Variants in CACNA2D1 observed in about 807,000 individuals in gnomAD.
CACNA2D1 encodes the protein calcium voltage-gated channel auxiliary subunit alpha2delta 1, also known as voltage-dependent calcium channel subunit alpha-2/delta-1.
A neutral mutation model predicts 171.5 loss-of-function variants in CACNA2D1; 53 were observed. The observed-to-expected ratio is 0.31, with a 90% CI of 0.25 to 0.39. CACNA2D1 has a LOEUF of 0.39. CACNA2D1 is among the 10% of genes least tolerant of loss of function. The probability of loss-of-function intolerance (pLI) is 1.00; values close to 1 mark genes in which losing one functional copy is unlikely to be tolerated. For missense variants in CACNA2D1, 903 were observed against 1,299.8 expected (o/e 0.69, Z 4.69); for synonymous variants, 442 against 443.1 (o/e 1.00, Z 0.03).
At chr7:82,342,131 T>G in intron 2 of CACNA2D1, among the ~76,000 whole-genome samples, 1 of 152,094 alleles carries the variant, frequency 6.6e-6, no homozygotes, top group East Asian at 1.9e-4. Context: ...GGCCTTTTTT[T>G]TCTTTTCCCT....
intron 12 of CACNA2D1, among the ~76,000 whole-genome samples, chr7:82,019,384 T>C (rs1388969394): frequency 6.6e-6 from 1 of 152,188 alleles, no homozygotes; most frequent in Non-Finnish European, 1.5e-5. Flanking sequence ...TAAACTTACA[T>C]AATTTTACTT....
chr7:81,961,034 AT>A (rs970936672), intron 36 of CACNA2D1, among the ~76,000 whole-genome samples: 106 of 148,856 alleles, frequency 7.1e-4, no homozygotes, highest in Admixed American at 2.5e-3. Flanking sequence ...CTCTTGCAAA[AT>A]TTTTTTTTTT....
intron 3 of CACNA2D1, among the ~76,000 whole-genome samples, chr7:82,310,930 T>C (rs1364734770): frequency 6.6e-6 from 1 of 152,166 alleles, no homozygotes; most frequent in Non-Finnish European, 1.5e-5. Flanking sequence ...AAATTAGCTT[T>C]GGGATGTTAC....
rs1425318736 is a variant in CACNA2D1, at chr7:82,117,001, G to A, written c.526+43C>T. On this transcript the variant is annotated intron_variant, in intron 6 of 38. Transcript: ENST00000356860. ...CAAACATGGGAAACATAAGACAGGC[G>A]AGAGCATGGTATTCCAACAGATGTT... is the stretch of plus-strand genomic sequence containing the variant. The A allele has an allele frequency of 1.1e-5, 17 of 1,607,284 alleles. No homozygotes were observed. The Middle Eastern group carries it at 4.9e-4, about 47-fold the overall frequency.
intron 10 of CACNA2D1, among the ~76,000 whole-genome samples, chr7:82,053,531 T>C (rs566257817): frequency 6.6e-6 from 1 of 152,106 alleles, no homozygotes; most frequent in East Asian, 1.9e-4. Context: ...GATATTTTTA[T>C]AGTAAATAAG....
At chr7:82,102,205 T>TCC (rs1812756602) in intron 6 of CACNA2D1, among the ~76,000 whole-genome samples, 3 of 152,074 alleles carry the variant, frequency 2.0e-5, no homozygotes, top group Admixed American at 1.3e-4. Flanking sequence ...CCTGAAAATC[T>TCC]GATTGAGAAA....
intron 1 of CACNA2D1, among the ~76,000 whole-genome samples, chr7:82,414,595 A>C (rs1257104527): frequency 6.6e-6 from 1 of 152,216 alleles, no homozygotes; most frequent in Non-Finnish European, 1.5e-5. Flanking sequence ...CCATCCAGGG[A>C]GGCCAGGGTA....
At chr7:82,110,302 A>AT (rs1788221805) in intron 6 of CACNA2D1, among the ~76,000 whole-genome samples, 1 of 152,162 alleles carries the variant, frequency 6.6e-6, no homozygotes, top group Non-Finnish European at 1.5e-5. Context: ...CCATGAGGTC[A>AT]TGAGTGTGGA....
chr7:82,045,347 A>C (rs1322460334), intron 10 of CACNA2D1, among the ~76,000 whole-genome samples: 1 of 152,008 alleles, frequency 6.6e-6, no homozygotes, highest in African/African-American at 2.4e-5. Flanking sequence ...GTTTTTCCAG[A>C]TTGTTGCTTA....
intron 3 of CACNA2D1, among the ~76,000 whole-genome samples, chr7:82,233,029 C>G (rs528552463): frequency 3.9e-5 from 6 of 151,996 alleles, no homozygotes; most frequent in Non-Finnish European, 5.9e-5. Context: ...CGTGTCCAAA[C>G]GTTGAAAATC....
chr7:82,438,652 A>T (rs2129459716), intron 1 of CACNA2D1, among the ~76,000 whole-genome samples: 1 of 152,320 alleles, frequency 6.6e-6, no homozygotes, highest in South Asian at 2.1e-4. Context: ...AACTGTATGA[A>T]AGCCTTGGGA....
intron 10 of CACNA2D1, among the ~76,000 whole-genome samples, chr7:82,042,793 G>C (rs1218010352): frequency 6.6e-6 from 1 of 151,824 alleles, no homozygotes; most frequent in African/African-American, 2.4e-5. Context: ...TCTTCACTCA[G>C]TCCTCATGAA....
chr7:82,217,965 C>T (rs1198102370), intron 3 of CACNA2D1, among the ~76,000 whole-genome samples: 1 of 143,664 alleles, frequency 7.0e-6, no homozygotes. Flanking sequence ...GAGGGAGTCT[C>T]GCCCTGTCGC....
chr7:82,226,172 A>G (rs999408611), intron 3 of CACNA2D1, among the ~76,000 whole-genome samples: 2 of 152,198 alleles, frequency 1.3e-5, no homozygotes, highest in Admixed American at 1.3e-4. Flanking sequence ...TGGCAAAGTA[A>G]CTGTCATAAA....
In CACNA2D1 at chr7:82,044,594, A is replaced by T. The variant is rs114744307; in HGVS notation, c.880-6359T>A. Among the ~76,000 whole-genome samples, 450 of 152,312 alleles carry T rather than the reference A, an allele frequency of 3.0e-3. 3 individuals carry two copies. The highest frequency in any genetic ancestry group is 0.01 in the African/African-American group (418 of 41,578). Reference sequence around the variant, plus strand: ...ACACAACAAATTTATATTTTGTAAGATTAAATAATTTAAATAAGAAACAAT... The same window carrying T: ...ACACAACAAATTTATATTTTGTAAGTTTAAATAATTTAAATAAGAAACAAT... On this transcript the variant is annotated intron_variant, in intron 10 of 38. Transcript: ENST00000356860.
At chr7:82,091,269 C>G (rs528400542) in intron 6 of CACNA2D1, among the ~76,000 whole-genome samples, 1 of 152,162 alleles carries the variant, frequency 6.6e-6, no homozygotes, top group Non-Finnish European at 1.5e-5. Context: ...GAATCCACCT[C>G]GCACTGAGGA....
At chr7:82,199,277 C>T (rs991808335) in intron 3 of CACNA2D1, among the ~76,000 whole-genome samples, 1 of 151,902 alleles carries the variant, frequency 6.6e-6, no homozygotes, top group Admixed American at 6.6e-5. Context: ...TGTTGTGTTA[C>T]AAAGGCTCAC....
At chr7:82,298,719 C>T (rs553086849) in intron 3 of CACNA2D1, among the ~76,000 whole-genome samples, 2 of 152,122 alleles carry the variant, frequency 1.3e-5, no homozygotes, top group South Asian at 4.2e-4. Context: ...CTACCACACC[C>T]AGCTCCAAAT....
At chr7:82,309,252 A>G (rs1340573841) in intron 3 of CACNA2D1, among the ~76,000 whole-genome samples, 2 of 152,068 alleles carry the variant, frequency 1.3e-5, no homozygotes, top group African/African-American at 4.8e-5. Flanking sequence ...CTAAAAATAT[A>G]AAAATTAGCT....
Sources: allele counts gnomAD v4.1 joint callset (sites outside exome capture counted in the v4.1 genomes callset), GRCh38; gene constraint gnomAD v4.1.1; transcripts MANE v1.5; gene names NCBI Gene and HGNC (gene_info 2026-07-23, HGNC 2026-07-21).